Variants in GFRA2 observed in about 807,000 individuals in gnomAD.
GFRA2 encodes the protein GDNF family receptor alpha 2, also known as GDNF family receptor alpha-2.
A neutral mutation model predicts 48.3 loss-of-function variants in GFRA2; 17 were observed. That is an observed-to-expected ratio of 0.35 (90% CI 0.24 to 0.53). The LOEUF is 0.53. Ranked by LOEUF, GFRA2 falls within the 20% of genes least tolerant of loss-of-function variation. GFRA2 has a pLI of 0.93. For missense variants in GFRA2, 660 were observed against 637.3 expected, an observed-to-expected ratio of 1.04 and a Z score of -0.38; for synonymous variants, 305 against 257.2, an observed-to-expected ratio of 1.19 and a Z score of -1.78.
intron 1 of GFRA2, among the ~76,000 whole-genome samples, chr8:21,785,161 G>A (rs1402089275): frequency 6.6e-6 from 1 of 152,256 alleles, no homozygotes; most frequent in East Asian, 1.9e-4. Context: ...AAGGTCAGAA[G>A]ATTAGCCCAG....
chr8:21,767,618 C>G (rs1056375057), intron 3 of GFRA2, among the ~76,000 whole-genome samples: 3 of 152,236 alleles, frequency 2.0e-5, no homozygotes, highest in Admixed American at 6.5e-5. Context: ...GGGCGTCCGG[C>G]CAAGAGCCGC....
chr8:21,734,847 G>A (rs201622945), intron 4 of GFRA2, among the ~76,000 whole-genome samples: 1 of 152,120 alleles, frequency 6.6e-6, no homozygotes, highest in African/African-American at 2.4e-5. Context: ...AAATATCTTG[G>A]CCTCCAAAAT....
intron 6 of GFRA2, 47 bp downstream of exon 6, chr8:21,704,938 A>G: frequency 8.0e-7 from 1 of 1,256,288 alleles, no homozygotes; most frequent in Non-Finnish European, 1.1e-6. Flanking sequence ...AGACTCCAGG[A>G]GGGGTGGGAG....
intron 3 of GFRA2, among the ~76,000 whole-genome samples, chr8:21,768,280 T>C (rs1330767431): frequency 6.6e-6 from 1 of 152,220 alleles, no homozygotes; most frequent in Non-Finnish European, 1.5e-5. Context: ...AAGAATGTGA[T>C]TTTGAAATTT....
chr8:21,725,077 G>C (rs967445564), intron 4 of GFRA2, among the ~76,000 whole-genome samples: 2 of 152,184 alleles, frequency 1.3e-5, no homozygotes, highest in African/African-American at 2.4e-5. Context: ...GATTTGAAGG[G>C]GATTTGCAGG....
chr8:21,793,815 T>C (rs1807620455), upstream of GFRA2, among the ~76,000 whole-genome samples: 1 of 151,730 alleles, frequency 6.6e-6, no homozygotes, highest in African/African-American at 2.4e-5. Flanking sequence ...AGATATCCTC[T>C]TCCTCCCTTC....
At chr8:21,787,017 G>A (rs1305418906) in intron 1 of GFRA2, among the ~76,000 whole-genome samples, 1 of 151,928 alleles carries the variant, frequency 6.6e-6, no homozygotes, top group Non-Finnish European at 1.5e-5. Flanking sequence ...CACATACACA[G>A]TAGTTACCCG....
chr8:21,756,198 T>C (rs572488890), intron 3 of GFRA2, among the ~76,000 whole-genome samples: 211 of 152,326 alleles, frequency 1.4e-3, no homozygotes, highest in African/African-American at 4.7e-3. Context: ...GCTGGTGTAA[T>C]TATAGCCTCC....
intron 2 of GFRA2, among the ~76,000 whole-genome samples, chr8:21,776,226 T>A (rs1414093017): frequency 6.6e-6 from 1 of 151,800 alleles, no homozygotes; most frequent in South Asian, 2.1e-4. Context: ...ACCCAGAGGC[T>A]GGAACTGGAG....
At chr8:21,737,653 C>T (rs1804537604) in intron 4 of GFRA2, among the ~76,000 whole-genome samples, 1 of 152,166 alleles carries the variant, frequency 6.6e-6, no homozygotes, top group African/African-American at 2.4e-5. Context: ...GAGGCTCAGT[C>T]CTGCCTCCCC....
chr8:21,810,173 C>T (rs1022291940), intron 1 of GFRA2, among the ~76,000 whole-genome samples: 1 of 152,210 alleles, frequency 6.6e-6, no homozygotes, highest in Non-Finnish European at 1.5e-5. Flanking sequence ...ACACCTGAGC[C>T]ACCACCACAT....
At chr8:21,744,512 C>A (rs562360466) in intron 4 of GFRA2, among the ~76,000 whole-genome samples, 10 of 149,240 alleles carry the variant, frequency 6.7e-5, no homozygotes, top group Non-Finnish European at 1.3e-4. Context: ...GTTTAGAGAA[C>A]AACAGAATCA....
chr8:21,794,516 G>A (rs1196613701), intron 2 of GFRA2, among the ~76,000 whole-genome samples: 1 of 152,136 alleles, frequency 6.6e-6, no homozygotes, highest in Admixed American at 6.5e-5. Context: ...CTCCCAAAGT[G>A]CTGGGATTAC....
intron 4 of GFRA2, among the ~76,000 whole-genome samples, chr8:21,723,301 A>G (rs1015754451): frequency 6.6e-6 from 1 of 152,178 alleles, no homozygotes; most frequent in Admixed American, 6.5e-5. Flanking sequence ...CATGTCTTCT[A>G]CTGGGGTCTC....
At chr8:21,751,544 C>T (rs1805295069) in intron 3 of GFRA2, among the ~76,000 whole-genome samples, 1 of 152,226 alleles carries the variant, frequency 6.6e-6, no homozygotes, top group East Asian at 1.9e-4. Flanking sequence ...AGCACAGGAA[C>T]CCGAGTCACA....
chr8:21,733,974 G>A (rs1368815084), intron 4 of GFRA2, among the ~76,000 whole-genome samples: 3 of 152,212 alleles, frequency 2.0e-5, no homozygotes, highest in African/African-American at 7.2e-5. Flanking sequence ...TCTGGGAGGT[G>A]GATCCACAGG....
At chr8:21,711,170 C>T (rs1403051442) in intron 4 of GFRA2, among the ~76,000 whole-genome samples, 1 of 152,236 alleles carries the variant, frequency 6.6e-6, no homozygotes, top group Non-Finnish European at 1.5e-5. Context: ...TCACTCTTCC[C>T]TCCAACACCA....
In GFRA2 at chr8:21,782,641, T is replaced by A; in HGVS notation, c.299A>T (p.Lys100Met). ...LYDCRCKRGM[K>M]KELQCLQIYW... ...GATCTGCAGACACTGCAGCTCCTTC[T>A]TCATGCCCCGCTTGCAGCGGCAGTC... The change falls in exon 2 of 9, where the codon AAG (lysine) becomes ATG (methionine). Residue 100 changes from lysine to methionine, a missense_variant. Lys to Met is a moderately conservative substitution (Grantham distance 95, BLOSUM62 -1). Transcript: ENST00000524240. 6.3e-7 allele frequency: 1 copy of A among 1,586,308 alleles called. No homozygotes were observed. The highest frequency in any genetic ancestry group is 8.6e-7 in the Non-Finnish European group (1 of 1,166,856).
chr8:21,791,441 C>T (rs1016046578), upstream of GFRA2, among the ~76,000 whole-genome samples: 2 of 152,176 alleles, frequency 1.3e-5, no homozygotes, highest in African/African-American at 2.4e-5. Context: ...CCTATACAGA[C>T]GTATCCCATG....
Sources: gnomAD v4.1 joint callset for allele counts (sites outside exome capture counted in the v4.1 genomes callset) on GRCh38, gnomAD v4.1.1 for gene constraint, MANE v1.5 for transcripts, NCBI Gene and HGNC (gene_info 2026-07-23, HGNC 2026-07-21) for gene names.